Variants in MICU1 observed in about 807,000 individuals in gnomAD.
MICU1 encodes calcium uptake protein 1, mitochondrial.
Under a neutral mutation model 56.8 loss-of-function variants are expected in MICU1, and 45 were observed. That is an observed-to-expected ratio of 0.79 (90% CI 0.62 to 1.02). The LOEUF is 1.02. Among genes scored for constraint, MICU1 ranks in the 50% least tolerant of loss-of-function variants. MICU1 has a pLI of 0.00. For missense variants in MICU1, 504 were observed against 587.1 expected (o/e 0.86, Z 1.46); for synonymous variants, 186 against 195.1 (o/e 0.95, Z 0.39).
chr10:72,533,759 C>T lies in MICU1; in HGVS notation c.524G>A (p.Arg175His), dbSNP rs752729268. 35 of 1,601,184 alleles carry T rather than the reference C, an allele frequency of 2.2e-5. No homozygotes were observed. Among genetic ancestry groups the T allele is most frequent in the Non-Finnish European group, 3.0e-5 (35 of 1,172,548 alleles). Residue 175 changes from arginine to histidine, a missense_variant, in exon 5 of 12, where the codon CGC (arginine) becomes CAC (histidine). Physicochemically the swap from Arg to His is conservative, Grantham distance 29. Transcript: ENST00000361114. Reference sequence around the variant, plus strand: ...TAGTTTGCTCACCTTTCCATCAAAGCGTTTTATTATATATTGATCCAGACC... The same window carrying T: ...TAGTTTGCTCACCTTTCCATCAAAGTGTTTTATTATATATTGATCCAGACC... Reference protein sequence around the residue: ...HLGLDQYIIKRFDGKKISQER... With the variant: ...HLGLDQYIIKHFDGKKISQER...
intron 4 of MICU1, 132 bp downstream of exon 4, chr10:72,551,047 T>G (rs1401216987): frequency 2.2e-6 from 2 of 899,830 alleles, no homozygotes; most frequent in Admixed American, 3.8e-5. Flanking sequence ...GCACAATGCC[T>G]GATATTCAAT....
At chr10:72,614,867 T>G (rs2132576988) in intron 1 of MICU1, among the ~76,000 whole-genome samples, 1 of 152,318 alleles carries the variant, frequency 6.6e-6, no homozygotes, top group South Asian at 2.1e-4. Context: ...GTGAATGTAC[T>G]TAATGCCACT....
chr10:72,625,705 G>A (rs1034632716), intron 1 of MICU1, among the ~76,000 whole-genome samples: 4 of 152,202 alleles, frequency 2.6e-5, no homozygotes, highest in East Asian at 1.9e-4. Context: ...CTGTGAGGAG[G>A]GGGGCGTCGG....
intron 1 of MICU1, among the ~76,000 whole-genome samples, chr10:72,569,235 A>AGATTTTTTTT (rs1840538022): frequency 2.3e-5 from 1 of 42,572 alleles, no homozygotes; most frequent in Non-Finnish European, 4.3e-5. Flanking sequence ...ATATATATAT[A>AGATTTTTTTT]TATTTTTTTT....
At chr10:72,423,024 T>C (rs1864227866) in intron 9 of MICU1, among the ~76,000 whole-genome samples, 1 of 152,044 alleles carries the variant, frequency 6.6e-6, no homozygotes. Context: ...CACCCTTTCC[T>C]GAACAAGAAA....
chr10:72,533,086 T>C, intron 5 of MICU1: 5 of 1,289,926 alleles, frequency 3.9e-6, no homozygotes, highest in Non-Finnish European at 5.1e-6. Context: ...CTGAAGTGCT[T>C]TCTTCCTCCT....
At chr10:72,417,589 A>G (rs1466750098) in intron 9 of MICU1, among the ~76,000 whole-genome samples, 4 of 152,242 alleles carry the variant, frequency 2.6e-5, no homozygotes, top group Admixed American at 6.5e-5. Flanking sequence ...ATCCTTAAGA[A>G]GTTACTAGTT....
chr10:72,492,233 T>C (rs1866680916), intron 6 of MICU1, among the ~76,000 whole-genome samples: 1 of 152,144 alleles, frequency 6.6e-6, no homozygotes, highest in Admixed American at 6.5e-5. Context: ...GGAATGATCT[T>C]ATTTAAATTT....
chr10:72,610,311 C>T (rs961472733), intron 1 of MICU1, among the ~76,000 whole-genome samples: 9 of 150,042 alleles, frequency 6.0e-5, no homozygotes, highest in East Asian at 1.9e-4. Context: ...ATATATTTTA[C>T]GACACTTTTT....
chr10:72,436,345 C>T (rs996705852), intron 8 of MICU1, among the ~76,000 whole-genome samples: 1 of 152,182 alleles, frequency 6.6e-6, no homozygotes, highest in Non-Finnish European at 1.5e-5. Flanking sequence ...GGAAAACTAA[C>T]AAACAGAAAG....
chr10:72,512,606 G>C (rs894484091), intron 5 of MICU1, among the ~76,000 whole-genome samples: 13 of 152,234 alleles, frequency 8.5e-5, no homozygotes, highest in Admixed American at 2.6e-4. Context: ...GTATCTGTTT[G>C]AGTACCTGTT....
At chr10:72,545,637 T>C (rs185853715) in intron 4 of MICU1, among the ~76,000 whole-genome samples, 97 of 152,292 alleles carry the variant, frequency 6.4e-4, no homozygotes, top group African/African-American at 2.3e-3. Context: ...TAAAGTCTCA[T>C]AGGTGGCTGC....
chr10:72,488,942 A>C (rs893223829), intron 6 of MICU1, among the ~76,000 whole-genome samples: 2 of 152,184 alleles, frequency 1.3e-5, no homozygotes, highest in Non-Finnish European at 2.9e-5. Flanking sequence ...TTTAAAAATA[A>C]TAACTAACGA....
Position 72,372,171 on chromosome 10 carries a change from C to T in MICU1, c.1270+3612G>A, listed in dbSNP as rs1009210824. Among the ~76,000 whole-genome samples the T allele has an allele frequency of 1.4e-4, 22 of 151,906 alleles. No individual in the cohort carries two copies. In the Middle Eastern group the frequency reaches 0.014, roughly 95 times the overall value. The stretch of plus-strand genomic sequence containing the variant: ...ACAGCTTTAGGCCAGAAGTTTGAGA[C>T]GAGCCTGGGCAACATCGCAAGACTC... On this transcript the variant is annotated intron_variant, in intron 11 of 11. Transcript: ENST00000361114.
intron 4 of MICU1, among the ~76,000 whole-genome samples, chr10:72,536,043 C>T (rs1839624269): frequency 6.6e-6 from 1 of 151,810 alleles, no homozygotes; most frequent in Non-Finnish European, 1.5e-5. Flanking sequence ...ACAGGGTGTA[C>T]CACAGGCTGG....
chr10:72,569,824 C>CTGA (rs1256823099), intron 1 of MICU1, among the ~76,000 whole-genome samples: 1 of 152,128 alleles, frequency 6.6e-6, no homozygotes, highest in Non-Finnish European at 1.5e-5. Context: ...ACCAGATGGG[C>CTGA]TGATGGAAGA....
At chr10:72,497,432 AC>A (rs2132319146) in intron 6 of MICU1, among the ~76,000 whole-genome samples, 1 of 152,282 alleles carries the variant, frequency 6.6e-6, no homozygotes, top group South Asian at 2.1e-4. Flanking sequence ...ATAATCAAAC[AC>A]TATTAAGCCG....
Position 72,595,473 on chromosome 10 carries a change from G to GA in MICU1, c.-1-28680dup, listed in dbSNP as rs11313788. On this transcript the variant is annotated intron_variant, in intron 1 of 11. Transcript: ENST00000361114. ...AAAAAAAAAAAAAAAAAGAAAAAAA[G>GA]AAAAAAAAAAAAGACCATATACATC... 4.4e-3 allele frequency among the ~76,000 whole-genome samples: 545 copies of GA among 123,980 alleles called. 3 individuals carry two copies. The highest frequency in any genetic ancestry group is 9.7e-3 in the African/African-American group (323 of 33,162). 81.3% of individuals were successfully genotyped at this position (123,980 alleles called of 152,430 possible).
chr10:72,563,194 A>C (rs1840343741), intron 2 of MICU1, 131 bp from the exon 3 acceptor site: 1 of 603,890 alleles, frequency 1.7e-6, no homozygotes, highest in African/African-American at 1.9e-5. Context: ...GAAGTTCCTC[A>C]AAAAATATAA....
Sources: gnomAD v4.1 joint callset for allele counts (sites outside exome capture counted in the v4.1 genomes callset) on GRCh38, gnomAD v4.1.1 for gene constraint, MANE v1.5 for transcripts, NCBI Gene and HGNC (gene_info 2026-07-23, HGNC 2026-07-21) for gene names.